The following POLR1A variants were observed in gnomAD, a reference collection of about 807,000 sequenced individuals.
POLR1A encodes the protein DNA-directed RNA polymerase I subunit RPA1.
A neutral mutation model predicts 205.3 loss-of-function variants in POLR1A; 84 were observed. That is an observed-to-expected ratio of 0.41 (90% CI 0.34 to 0.49). POLR1A has a LOEUF of 0.49. Among genes scored for constraint, POLR1A ranks in the 20% least tolerant of loss-of-function variants. POLR1A has a pLI of 0.22. For missense variants in POLR1A, 1,645 were observed against 2,204.5 expected (o/e 0.75, Z 5.08); for synonymous variants, 799 against 863.7 (o/e 0.93, Z 1.31).
chr2:86,085,600 G>A (rs1238488202), intron 6 of POLR1A, among the ~76,000 whole-genome samples: 1 of 152,164 alleles, frequency 6.6e-6, no homozygotes, highest in Non-Finnish European at 1.5e-5. Context: ...AAGATCGGTC[G>A]AATCTCCTCA....
At chr2:86,039,264 A>T in intron 26 of POLR1A, 63 bp downstream of exon 26, 1 of 1,572,790 alleles carries the variant, frequency 6.4e-7, no homozygotes, top group Non-Finnish European at 8.7e-7. Context: ...TGTTCTTCAC[A>T]CATGGGGAGG....
chr2:86,077,557 C>T (rs567267532), intron 11 of POLR1A, among the ~76,000 whole-genome samples: 50 of 152,118 alleles, frequency 3.3e-4, no homozygotes, highest in Non-Finnish European at 6.9e-4. Flanking sequence ...GGAAGCTATG[C>T]CGGCGGGGAT....
intron 3 of POLR1A, among the ~76,000 whole-genome samples, chr2:86,092,784 T>C (rs1019538353): frequency 5.9e-5 from 9 of 152,164 alleles, no homozygotes; most frequent in Admixed American, 2.6e-4. Context: ...AAGATTGTGC[T>C]GCTGCACTCC....
At position 86,070,807 on chromosome 2, in the gene POLR1A, G is replaced by C. The variant is rs1391538108; in HGVS notation, c.1612-535C>G. 1.3e-5 allele frequency among the ~76,000 whole-genome samples: 2 copies of C among 151,792 alleles called. No homozygotes were observed. Among genetic ancestry groups the C allele is most frequent in the African/African-American group, 2.4e-5 (1 of 41,276 alleles). Reference sequence around the variant, plus strand: ...AGAGCCAGAAAAGGGTTCTTAGTTAGTTCAATGCCCTCAGAGAACACTTTA... The same window carrying C: ...AGAGCCAGAAAAGGGTTCTTAGTTACTTCAATGCCCTCAGAGAACACTTTA... On this transcript the variant is annotated intron_variant, in intron 12 of 33. Transcript: ENST00000263857. The surrounding 1 kb of genome is among the most constrained non-coding windows in gnomAD (Gnocchi z 4.4).
chr2:86,098,708 C>A lies in POLR1A; in HGVS notation c.335G>T (p.Cys112Phe). The change falls in exon 3 of 34, where the codon TGT (cysteine) becomes TTT (phenylalanine). Residue 112 changes from cysteine (C) to phenylalanine (F), a missense_variant. Transcript: ENST00000263857. Reference protein sequence around the residue: ...GSCLNCHMLTCPRAVIHLLLC... With the variant: ...GSCLNCHMLTFPRAVIHLLLC... ...TAAGAGGTGAATCACGGCCCGGGGA[C>A]AAGTCAGCATGTGGCAGTTTAAACA... 6.2e-7 allele frequency: 1 copy of A among 1,613,818 alleles called. No homozygotes were observed. Among genetic ancestry groups the A allele is most frequent in the Non-Finnish European group, 8.5e-7 (1 of 1,179,940 alleles).
Position 86,105,684 on chromosome 2 carries a change from C to A in POLR1A, c.77+16G>T. The A allele has an allele frequency of 6.3e-7, 1 of 1,590,662 alleles. No individual in the cohort carries two copies. Among genetic ancestry groups the A allele is most frequent in the Non-Finnish European group, 8.6e-7 (1 of 1,158,536 alleles). On this transcript the variant is annotated intron_variant, in intron 1 of 33. Coordinates refer to ENST00000263857, the MANE Select transcript of POLR1A (RefSeq NM_015425.6). ...TCAAGATCCAGGCTGGGCACGCTAC[C>A]CGACCAACTCCTTACTTGAGCTCTT...
At chr2:86,092,585 G>A (rs113792248) in intron 3 of POLR1A, among the ~76,000 whole-genome samples, 75 of 152,340 alleles carry the variant, frequency 4.9e-4, no homozygotes, top group African/African-American at 1.7e-3. Flanking sequence ...AGCACTTTGG[G>A]AGGCCAAGGT....
intron 2 of POLR1A, among the ~76,000 whole-genome samples, chr2:86,099,473 A>G (rs1184800231): frequency 1.3e-5 from 2 of 152,082 alleles, no homozygotes; most frequent in Admixed American, 1.3e-4. Context: ...GGTTAGCTGA[A>G]ATAAAAAGCT....
intron 12 of POLR1A, among the ~76,000 whole-genome samples, chr2:86,072,807 C>T (rs1673204375): frequency 6.6e-6 from 1 of 152,220 alleles, no homozygotes; most frequent in African/African-American, 2.4e-5. Flanking sequence ...TTCCCCTCCT[C>T]ACCTAGCCTG....
intron 31 of POLR1A, among the ~76,000 whole-genome samples, chr2:86,029,596 TTTC>T (rs1265354534): frequency 2.3e-5 from 2 of 85,622 alleles, no homozygotes; most frequent in African/African-American, 1.3e-4. Flanking sequence ...TCTTAATTTC[TTTC>T]TTTTTTTTTT....
At position 86,047,242 on chromosome 2, in the gene POLR1A, G is replaced by A. The variant is rs774794501; in HGVS notation, c.2656C>T (p.His886Tyr). The part of the protein sequence containing the change: ...INKACMPFGL[H>Y]RQFPENSLQM... ...AGGCTGTTCTCTGGGAACTGTCTGT[G>A]TAGGCCAAAAGGCATGCATGCCTGC... The change falls in exon 19 of 34, where the codon CAC becomes TAC. Residue 886 changes from histidine (H) to tyrosine (Y), a missense_variant. By Grantham distance (83) the His-to-Tyr change is moderately conservative. Around this residue, in one of 16 missense-constraint regions of POLR1A, gnomAD observed 339 missense variants for 415.1 expected, o/e 0.82. Transcript: ENST00000263857. 5.0e-6 allele frequency: 8 copies of A among 1,613,744 alleles called. No homozygotes were observed. In the Admixed American group the frequency reaches 6.7e-5, roughly 13 times the overall value.
intron 19 of POLR1A, among the ~76,000 whole-genome samples, chr2:86,046,199 G>C (rs931618093): frequency 6.6e-6 from 1 of 152,158 alleles, no homozygotes; most frequent in Non-Finnish European, 1.5e-5. Flanking sequence ...CGGGGCTGAG[G>C]CAGGAGGATC....
chr2:86,066,940 A>C (rs941123885), intron 13 of POLR1A, among the ~76,000 whole-genome samples: 1 of 152,188 alleles, frequency 6.6e-6, no homozygotes, highest in Non-Finnish European at 1.5e-5. Flanking sequence ...GAAAAACCCA[A>C]ACCAGTATTA....
chr2:86,045,459 C>G (rs1053771128), intron 20 of POLR1A, 99 bp from the exon 21 acceptor site: 3 of 1,233,056 alleles, frequency 2.4e-6, no homozygotes, highest in Middle Eastern at 4.1e-4. Context: ...CCTGACCAGA[C>G]AGGCCACTCC....
At chr2:86,047,081 G>A (rs946617890) in intron 19 of POLR1A, 84 bp downstream of exon 19, 3 of 856,588 alleles carry the variant, frequency 3.5e-6, no homozygotes, top group Non-Finnish European at 5.9e-6. Flanking sequence ...ATGTTTTATA[G>A]GGAACAAACT....
At position 86,031,317 on chromosome 2, in the gene POLR1A, C is replaced by T. The variant is rs776979950; in HGVS notation, c.4578+13G>A. 3.1e-5 allele frequency: 47 copies of T among 1,535,546 alleles called. 1 individual carries two copies. Among genetic ancestry groups the T allele is most frequent in the South Asian group, 2.3e-4 (18 of 79,466 alleles). On this transcript the variant is annotated intron_variant, in intron 30 of 33. Coordinates refer to ENST00000263857, the MANE Select transcript of POLR1A (RefSeq NM_015425.6). The stretch of plus-strand genomic sequence containing the variant: ...CCAACCACCCAAGCCCTGGCCTGCA[C>T]GGCCACACTGACCTGGCACCACAGG...
intron 14 of POLR1A, among the ~76,000 whole-genome samples, chr2:86,059,605 G>A (rs908521983): frequency 4.6e-5 from 7 of 152,036 alleles, no homozygotes; most frequent in Admixed American, 1.3e-4. Context: ...TCGTTCTGTC[G>A]CCCAGGCTGG....
Position 86,098,742 on chromosome 2 carries a change from G to A in POLR1A, c.301C>T (p.Arg101Trp), listed in dbSNP as rs1673755462. 3 of 1,613,882 alleles carry A rather than the reference G, an allele frequency of 1.9e-6. No individual in the cohort carries two copies. The highest frequency in any genetic ancestry group is 2.5e-6 in the Non-Finnish European group (3 of 1,179,968). ...LLFDKLYLLLRGSCLNCHMLT... is the reference protein window; with the variant it reads ...LLFDKLYLLLWGSCLNCHMLT... The stretch of plus-strand genomic sequence containing the variant: ...ATGTGGCAGTTTAAACAAGAGCCCC[G>A]AAGCAGCAGGTACAGCTTCTGAAGA... Residue 101 changes from arginine to tryptophan, a missense_variant, in exon 3 of 34, where the codon CGG becomes TGG. Transcript: ENST00000263857.
rs1690201351 is a variant in POLR1A, at chr2:86,023,719, G to A, written c.*3704C>T. 1 of 151,218 alleles carries A rather than the reference G, an allele frequency of 6.6e-6. No homozygotes were observed. Among genetic ancestry groups the A allele is most frequent in the African/African-American group, 2.4e-5 (1 of 41,118 alleles). The allele number at this position is 151,218 out of a possible 1,614,324, so 9.4% of individuals were successfully genotyped here. A position where few individuals can be genotyped will look rare whatever the true frequency, so the allele number is the denominator to read the frequency against. On this transcript the variant is annotated 3_prime_UTR_variant, in exon 34 of 34. Coordinates refer to ENST00000263857, the MANE Select transcript of POLR1A (RefSeq NM_015425.6). ...ATATGATCCAGCAATTCCACTTCTA[G>A]TATATATTCAAAGGAAAGCAGGGTC...
Sources: allele counts gnomAD v4.1 joint callset (sites outside exome capture counted in the v4.1 genomes callset), GRCh38; gene constraint gnomAD v4.1.1; regional missense constraint gnomAD v4.1.1; non-coding constraint Gnocchi (gnomAD v3.1); transcripts MANE v1.5; gene names NCBI Gene and HGNC (gene_info 2026-07-23, HGNC 2026-07-21).